Variants in CENPP observed in about 807,000 individuals in gnomAD.
CENPP encodes the protein centromere protein P.
CENPP carries 24 observed loss-of-function variants against 35.6 expected under a neutral mutation model. That is an observed-to-expected ratio of 0.67 (90% CI 0.49 to 0.95). CENPP has a LOEUF of 0.95. CENPP is among the 40% of genes least tolerant of loss of function. The pLI, the probability that CENPP is intolerant of heterozygous loss-of-function variation, is 0.00. For synonymous variants in CENPP, 120 were observed against 125.5 expected (o/e 0.96, Z 0.29); for missense variants, 332 against 345.3 (o/e 0.96, Z 0.31).
chr9:92,341,801 T>G (rs577491940), intron 3 of CENPP: 3 of 152,274 alleles, frequency 2.0e-5, no homozygotes, highest in Admixed American at 2.0e-4. Flanking sequence ...ACAGACAGTG[T>G]TGGCACTGAC....
At chr9:92,541,181 C>G (rs1849310338) in intron 5 of CENPP, among the ~76,000 whole-genome samples, 1 of 152,008 alleles carries the variant, frequency 6.6e-6, no homozygotes, top group Admixed American at 6.6e-5. Context: ...ATCACTTGAA[C>G]CCAGGAGGCG....
At chr9:92,413,277 G>C (rs961059562) in intron 5 of CENPP, among the ~76,000 whole-genome samples, 7 of 152,022 alleles carry the variant, frequency 4.6e-5, no homozygotes, top group Non-Finnish European at 1.0e-4. Context: ...GTGAGCTAAT[G>C]CGCCCGACTA....
intron 5 of CENPP, among the ~76,000 whole-genome samples, chr9:92,454,550 A>G (rs1029792873): frequency 6.6e-6 from 1 of 152,150 alleles, no homozygotes; most frequent in African/African-American, 2.4e-5. Flanking sequence ...TATTTTGTTT[A>G]TTAAAGCAAT....
chr9:92,520,634 G>A (rs1464833065), intron 5 of CENPP, among the ~76,000 whole-genome samples: 1 of 152,228 alleles, frequency 6.6e-6, no homozygotes, highest in Admixed American at 6.5e-5. Flanking sequence ...TTGAAAATAG[G>A]TGTTGAAAGA....
At chr9:92,401,593 T>G (rs1411278270) in intron 5 of CENPP, among the ~76,000 whole-genome samples, 1 of 152,168 alleles carries the variant, frequency 6.6e-6, no homozygotes, top group African/African-American at 2.4e-5. Flanking sequence ...CCATTTTGAG[T>G]AAGACTAGAG....
intron 4 of CENPP, among the ~76,000 whole-genome samples, chr9:92,362,956 T>A (rs1221757014): frequency 2.6e-5 from 4 of 152,204 alleles, no homozygotes; most frequent in African/African-American, 2.4e-5. Flanking sequence ...TCAGAGGGAA[T>A]CTCTTTAAGC....
Position 92,618,031 on chromosome 9 carries a change from A to G in CENPP, c.*4882A>G. 1 of 350,666 alleles carries G rather than the reference A, an allele frequency of 2.9e-6. No homozygotes were observed. Among genetic ancestry groups the G allele is most frequent in the South Asian group, 2.1e-5 (1 of 46,616 alleles). The allele number at this position is 350,666 out of a possible 1,614,324, so 21.7% of individuals were successfully genotyped here. On this transcript the variant is annotated 3_prime_UTR_variant, in exon 8 of 8. Coordinates refer to ENST00000375587, the MANE Select transcript of CENPP (RefSeq NM_001012267.3). ...GGTCTACCAGGTATCTCAAGACGCC[A>G]AGATGACTCATGATAAATCCCAGCC...
At chr9:92,374,241 CTGTGTGTGTGTGTG>C (rs10569730) in intron 4 of CENPP, among the ~76,000 whole-genome samples, 273 of 142,848 alleles carry the variant, frequency 1.9e-3, no homozygotes, top group Non-Finnish European at 3.1e-3. Flanking sequence ...TTGCTGTTTG[CTGTGTGTGTGTGTG>C]TGTGTGTGTG....
At chr9:92,600,362 T>C in intron 5 of CENPP, 1 of 1,556,092 alleles carries the variant, frequency 6.4e-7, no homozygotes, top group Non-Finnish European at 8.7e-7. Flanking sequence ...GTTTTAAAAA[T>C]GCCATTGGGA....
chr9:92,416,014 G>T lies in CENPP; in HGVS notation c.564+36155G>T, dbSNP rs181979266. On this transcript the variant is annotated intron_variant, in intron 5 of 7. Transcript: ENST00000375587. ...AATTATCAGTTATATATATAAAAGA[G>T]AATATATATTTTTTATATATAAATA... Among the ~76,000 whole-genome samples the T allele has an allele frequency of 7.6e-3, 1,062 of 140,204 alleles. 12 individuals carry two copies. The highest frequency in any genetic ancestry group is 0.026 in the African/African-American group (998 of 38,854). 92.0% of individuals were successfully genotyped at this position (140,204 alleles called of 152,430 possible).
chr9:92,458,787 A>G (rs1157995335), intron 5 of CENPP, among the ~76,000 whole-genome samples: 3 of 152,186 alleles, frequency 2.0e-5, no homozygotes, highest in African/African-American at 7.2e-5. Context: ...CAGACATCCA[A>G]ATGCAGCATT....
chr9:92,417,162 C>A (rs1843639014), intron 5 of CENPP: 1 of 1,613,670 alleles, frequency 6.2e-7, no homozygotes, highest in African/African-American at 1.3e-5. Flanking sequence ...ACACCATAAT[C>A]AATCTTTTGA....
intron 5 of CENPP, among the ~76,000 whole-genome samples, chr9:92,448,334 A>C (rs1434804304): frequency 1.3e-5 from 2 of 149,818 alleles, no homozygotes; most frequent in African/African-American, 4.9e-5. Context: ...CGGTGGCATG[A>C]TTTCTGCTGA....
intron 3 of CENPP, among the ~76,000 whole-genome samples, chr9:92,339,240 C>T (rs901193078): frequency 6.6e-6 from 1 of 152,160 alleles, no homozygotes; most frequent in Non-Finnish European, 1.5e-5. Flanking sequence ...TGCCAGGATT[C>T]CTTATCCTTT....
At chr9:92,432,281 C>T (rs148426670) in intron 5 of CENPP, among the ~76,000 whole-genome samples, 62 of 151,630 alleles carry the variant, frequency 4.1e-4, no homozygotes, top group East Asian at 1.2e-3. Context: ...GTCAAGATGG[C>T]GCCATTGCAC....
intron 5 of CENPP, among the ~76,000 whole-genome samples, chr9:92,403,956 AGAATATAG>A (rs1239203135): frequency 1.3e-5 from 2 of 152,212 alleles, no homozygotes; most frequent in Non-Finnish European, 2.9e-5. Context: ...TAGGTGGTAC[AGAATATAG>A]GAAAAGCCAT....
At position 92,540,675 on chromosome 9, in the gene CENPP, G is replaced by T. The variant is rs778808511; in HGVS notation, c.565-70639G>T. 1.0e-3 allele frequency among the ~76,000 whole-genome samples: 152 copies of T among 151,994 alleles called. 1 individual carries two copies. Among genetic ancestry groups the T allele is most frequent in the Middle Eastern group, 3.4e-3 (1 of 294 alleles). ...AGTCGCAGCTACTCGGGAGGCTGAG[G>T]CAGGAGAATCACTTGAACCTGGGAG... On this transcript the variant is annotated intron_variant, in intron 5 of 7. Transcript: ENST00000375587.
At chr9:92,377,041 A>G (rs1161308265) in intron 4 of CENPP, among the ~76,000 whole-genome samples, 1 of 151,896 alleles carries the variant, frequency 6.6e-6, no homozygotes, top group Non-Finnish European at 1.5e-5. Context: ...TCAAAAAAAA[A>G]AAAAGAAAGA....
chr9:92,359,853 A>T (rs975159551), intron 4 of CENPP, among the ~76,000 whole-genome samples: 1 of 151,748 alleles, frequency 6.6e-6, no homozygotes, highest in Non-Finnish European at 1.5e-5. Flanking sequence ...GGTTATACTC[A>T]CATGACTGCC....
Sources: allele counts gnomAD v4.1 joint callset (sites outside exome capture counted in the v4.1 genomes callset), GRCh38; gene constraint gnomAD v4.1.1; transcripts MANE v1.5; gene names NCBI Gene and HGNC (gene_info 2026-07-23, HGNC 2026-07-21).